The following KIF25 variants were observed in gnomAD, a reference collection of about 807,000 sequenced individuals.
KIF25 encodes the protein kinesin-like protein KIF25.
Under a neutral mutation model 32.9 loss-of-function variants are expected in KIF25, and 19 were observed. The observed-to-expected ratio is 0.58, with a 90% CI of 0.40 to 0.85. KIF25 has a LOEUF of 0.85. Ranked by LOEUF, KIF25 falls within the 40% of genes least tolerant of loss-of-function variation. The pLI is 0.00. For synonymous variants in KIF25, 225 were observed against 213.7 expected, an observed-to-expected ratio of 1.05 and a Z score of -0.46; for missense variants, 485 against 507.0, an observed-to-expected ratio of 0.96 and a Z score of 0.42.
At chr6:168,028,860 G>A (rs1015318589) in intron 5 of KIF25, among the ~76,000 whole-genome samples, 1 of 152,192 alleles carries the variant, frequency 6.6e-6, no homozygotes, top group Non-Finnish European at 1.5e-5. Context: ...CACTGATAGA[G>A]TCTCATCTCC....
rs372985926 is a variant in KIF25, at chr6:168,030,760, C to G, written c.93-13C>G. On this transcript the variant is annotated splice_polypyrimidine_tract_variant and intron_variant, in intron 6 of 12. Coordinates refer to ENST00000643607, the MANE Select transcript of KIF25 (RefSeq NM_030615.4). ...TGCTTCTATTAATACAGCATTTTCACTTTGTCTCTCAGGGTTTATGGTCCA... is the reference window on the plus strand; with the variant it reads ...TGCTTCTATTAATACAGCATTTTCAGTTTGTCTCTCAGGGTTTATGGTCCA... The G allele has an allele frequency of 4.1e-5, 65 of 1,602,666 alleles. No homozygotes were observed. The African/African-American group carries it at 7.0e-4, about 17-fold the overall frequency.
chr6:168,036,924 T>G (rs1289639998), intron 8 of KIF25, among the ~76,000 whole-genome samples: 1 of 152,152 alleles, frequency 6.6e-6, no homozygotes, highest in Non-Finnish European at 1.5e-5. Flanking sequence ...TAGCCTGGTG[T>G]GGTGGTGCAT....
At position 168,038,582 on chromosome 6, in the gene KIF25, C is replaced by T. The variant is rs1799064959; in HGVS notation, c.347C>T (p.Pro116Leu). The change falls in exon 9 of 13, where the codon CCA becomes CTA. Residue 116 changes from proline (P) to leucine (L), a missense_variant. Pro to Leu is a moderately conservative substitution (Grantham distance 98). Around this residue, in one of 2 missense-constraint regions of KIF25, gnomAD observed 480 missense variants for 470.3 expected, o/e 1.02. Coordinates refer to ENST00000643607, the MANE Select transcript of KIF25 (RefSeq NM_030615.4). ...RLILENTSRS[P>L]KVEVSIVEVY... ...ATTTTGGAAAATACCTCAAGAAGCC[C>T]AAAGGTTGAAGTCTCCATAGTGGAA... 4 of 1,614,124 alleles carry T rather than the reference C, an allele frequency of 2.5e-6. No homozygotes were observed. The highest frequency in any genetic ancestry group is 4.5e-5 in the East Asian group (2 of 44,882).
chr6:168,028,233 T>A (rs1428465341), intron 5 of KIF25, among the ~76,000 whole-genome samples: 9 of 152,184 alleles, frequency 5.9e-5, no homozygotes, highest in Admixed American at 3.9e-4. Context: ...AAAAAGGATA[T>A]AGAGATGGAG....
intron 4 of KIF25, among the ~76,000 whole-genome samples, chr6:168,012,713 G>A (rs11751451): frequency 0.14 from 20,845 of 152,050 alleles, 1,459 homozygotes; most frequent in South Asian, 0.19. Flanking sequence ...TGCTCAGCTC[G>A]TCTGGGGTGT....
chr6:168,037,904 TG>T (rs1192958424), intron 8 of KIF25, among the ~76,000 whole-genome samples: 1 of 152,132 alleles, frequency 6.6e-6, no homozygotes, highest in East Asian at 1.9e-4. Flanking sequence ...TTGGTAGAGA[TG>T]GGGTTTCACC....
chr6:168,024,423 C>CT (rs56243912), intron 5 of KIF25, among the ~76,000 whole-genome samples: 5,249 of 62,016 alleles, frequency 0.085, 783 homozygotes, highest in African/African-American at 0.13. Flanking sequence ...AAACCTCTCT[C>CT]TTTTTTTTTT....
intron 7 of KIF25, 143 bp from the exon 8 acceptor site, chr6:168,033,739 G>A (rs1444263140): frequency 2.3e-6 from 2 of 883,908 alleles, no homozygotes; most frequent in Non-Finnish European, 3.4e-6. Flanking sequence ...GTAGTTAAAT[G>A]AAAACCTAAT....
At chr6:168,033,829 T>A in intron 7 of KIF25, 53 bp from the exon 8 acceptor site, 5 of 1,565,310 alleles carry the variant, frequency 3.2e-6, no homozygotes, top group Non-Finnish European at 3.5e-6. Flanking sequence ...TTTCCTGGAA[T>A]CTTCTTGGCA....
intron 7 of KIF25, 119 bp downstream of exon 7, chr6:168,030,966 G>C: frequency 1.1e-5 from 8 of 732,382 alleles, no homozygotes; most frequent in Admixed American, 3.1e-5. Flanking sequence ...GCACTGCAGA[G>C]CATGCCCATG....
At chr6:168,006,200 T>C (rs905624096) in intron 4 of KIF25, among the ~76,000 whole-genome samples, 2 of 151,986 alleles carry the variant, frequency 1.3e-5, no homozygotes, top group Non-Finnish European at 2.9e-5. Flanking sequence ...GGTGATTGTA[T>C]TCTATTTCTT....
At chr6:168,044,177 G>T (rs1330628178) in intron 12 of KIF25, among the ~76,000 whole-genome samples, 4 of 144,938 alleles carry the variant, frequency 2.8e-5, no homozygotes, top group Non-Finnish European at 6.1e-5. Flanking sequence ...CAGGTGAGGG[G>T]TGCTAGTGAC....
intron 4 of KIF25, among the ~76,000 whole-genome samples, chr6:168,005,068 GGT>G (rs1323592138): frequency 5.3e-5 from 8 of 152,204 alleles, no homozygotes; most frequent in Admixed American, 5.2e-4. Context: ...AGTGTGTCCT[GGT>G]TTGGAGCCTG....
At position 168,002,547 on chromosome 6, in the gene KIF25, A is replaced by T. The variant is rs1027544595; in HGVS notation, c.-365A>T. On this transcript the variant is annotated 5_prime_UTR_variant, in exon 3 of 13. An upstream start codon of the reference 5' UTR is lost. Transcript: ENST00000643607. ...AAACATGTTGCATTTTTTCAGATTCATGATGGCTTGCAGATGCTTGATTTC... is the reference window on the plus strand; with the variant it reads ...AAACATGTTGCATTTTTTCAGATTCTTGATGGCTTGCAGATGCTTGATTTC... The T allele has an allele frequency of 3.3e-5, 5 of 152,228 alleles. No homozygotes were observed. The highest frequency in any genetic ancestry group is 1.2e-4 in the African/African-American group (5 of 41,454). 9.4% of individuals were successfully genotyped at this position (152,228 alleles called of 1,614,324 possible). A position where few individuals can be genotyped will look rare whatever the true frequency, so the allele number is the denominator to read the frequency against.
chr6:168,044,719 G>T, intron 12 of KIF25, 108 bp from the exon 13 acceptor site: 2 of 1,172,472 alleles, frequency 1.7e-6, no homozygotes, highest in South Asian at 1.5e-5. Context: ...CTGGGGCGCC[G>T]GGCGGCCCTC....
Position 168,033,957 on chromosome 6 carries a change from C to G in KIF25, c.243C>G (p.Asp81Glu). 6.2e-7 allele frequency: 1 copy of G among 1,614,138 alleles called. No individual in the cohort carries two copies. The highest frequency in any genetic ancestry group is 8.5e-7 in the Non-Finnish European group (1 of 1,180,034). ...KSYTMLGRHSDDGPVLPLDPQ... is the reference protein window; with the variant it reads ...KSYTMLGRHSEDGPVLPLDPQ... ...ATACCATGCTGGGACGCCATTCGGACGACGGCCCTGTTCTGCCGCTTGACC... is the reference window on the plus strand; with the variant it reads ...ATACCATGCTGGGACGCCATTCGGAGGACGGCCCTGTTCTGCCGCTTGACC... The change falls in exon 8 of 13, where the codon GAC becomes GAG. Residue 81 changes from aspartate (D) to glutamate (E), a missense_variant. By Grantham distance (45) the Asp-to-Glu change is conservative (BLOSUM62 2). Coordinates refer to ENST00000643607, the MANE Select transcript of KIF25 (RefSeq NM_030615.4).
At chr6:168,014,719 G>T (rs999937401) in intron 4 of KIF25, among the ~76,000 whole-genome samples, 5 of 152,176 alleles carry the variant, frequency 3.3e-5, no homozygotes, top group African/African-American at 1.2e-4. Flanking sequence ...TAATAAAGTC[G>T]ATCTCAGATG....
At chr6:168,016,832 AT>A (rs948849046) in intron 4 of KIF25, among the ~76,000 whole-genome samples, 4 of 152,236 alleles carry the variant, frequency 2.6e-5, no homozygotes, top group Admixed American at 2.0e-4. Flanking sequence ...AGCAGTGGGC[AT>A]GGGGCAGGGA....
chr6:168,043,384 C>T (rs908349635), intron 12 of KIF25, among the ~76,000 whole-genome samples: 4 of 152,168 alleles, frequency 2.6e-5, no homozygotes, highest in Non-Finnish European at 5.9e-5. Flanking sequence ...TGCAGGACGG[C>T]AGGGGCACAT....
Sources: gnomAD v4.1 joint callset for allele counts (sites outside exome capture counted in the v4.1 genomes callset) on GRCh38, gnomAD v4.1.1 for gene constraint, gnomAD v4.1.1 regional missense constraint, MANE v1.5 for transcripts, NCBI Gene and HGNC (gene_info 2026-07-23, HGNC 2026-07-21) for gene names.